Variants in CHDH observed in about 807,000 individuals in gnomAD.
CHDH encodes the protein choline dehydrogenase, mitochondrial.
A neutral mutation model predicts 56.9 loss-of-function variants in CHDH; 43 were observed. The observed-to-expected ratio is 0.76, with a 90% CI of 0.59 to 0.97. CHDH has a LOEUF of 0.97. Among genes scored for constraint, CHDH ranks in the 50% least tolerant of loss-of-function variants. CHDH has a pLI of 0.00. For missense variants in CHDH, 816 were observed against 821.1 expected (o/e 0.99, Z 0.08); for synonymous variants, 364 against 348.5 (o/e 1.04, Z -0.50).
intron 2 of CHDH, among the ~76,000 whole-genome samples, chr3:53,834,106 C>A (rs979731219): frequency 6.6e-6 from 1 of 152,194 alleles, no homozygotes; most frequent in African/African-American, 2.4e-5. Flanking sequence ...TTGCCATAGC[C>A]CTTTGTTGCA....
intron 2 of CHDH, among the ~76,000 whole-genome samples, chr3:53,833,813 CT>C (rs764754097): frequency 6.6e-6 from 1 of 152,156 alleles, no homozygotes; most frequent in Non-Finnish European, 1.5e-5. Context: ...GAAGAACAGA[CT>C]TTTGCCTGCT....
intron 2 of CHDH, among the ~76,000 whole-genome samples, chr3:53,835,009 T>C (rs1312460408): frequency 6.6e-6 from 1 of 152,200 alleles, no homozygotes; most frequent in Non-Finnish European, 1.5e-5. Context: ...TGATTCCACT[T>C]TGGGGACAAC....
chr3:53,832,347 T>C lies in CHDH; in HGVS notation c.-59-8280A>G, dbSNP rs147620636. ...GAGATTAAGACCATCCTGGATAACA[T>C]GGTGAAACCCCATCTCTACTAAAAA... is the stretch of plus-strand genomic sequence containing the variant. On this transcript the variant is annotated intron_variant, in intron 2 of 8. Coordinates refer to ENST00000315251, the MANE Select transcript of CHDH (RefSeq NM_018397.5). Among the ~76,000 whole-genome samples, 1,273 of 152,106 alleles carry C rather than the reference T, an allele frequency of 8.4e-3. 18 individuals are homozygous for C. Among genetic ancestry groups the C allele is most frequent in the African/African-American group, 0.028 (1,163 of 41,522 alleles).
chr3:53,823,300 C>G lies in CHDH; in HGVS notation c.703+6G>C. 1 of 1,534,520 alleles carries G rather than the reference C, an allele frequency of 6.5e-7. No individual in the cohort carries two copies. Among genetic ancestry groups the G allele is most frequent in the Non-Finnish European group, 8.8e-7 (1 of 1,138,798 alleles). The stretch of plus-strand genomic sequence containing the variant: ...GCTTTTTTAAAAAGAGAAGGGAGAC[C>G]ACTACCTTCATGGATGGTCATGTCC... On this transcript the variant is annotated splice_donor_region_variant and intron_variant, in intron 3 of 8. Transcript: ENST00000315251.
chr3:53,838,530 T>C (rs1239810139), intron 2 of CHDH, among the ~76,000 whole-genome samples: 1 of 152,110 alleles, frequency 6.6e-6, no homozygotes. Flanking sequence ...ACCGAGGGGA[T>C]AGAAGGCGCT....
At position 53,817,386 on chromosome 3, in the gene CHDH, G is replaced by A. The variant is rs1463588069; in HGVS notation, c.*391C>T. 2 of 197,882 alleles carry A rather than the reference G, an allele frequency of 1.0e-5. No individual in the cohort carries two copies. The highest frequency in any genetic ancestry group is 4.6e-5 in the African/African-American group (2 of 43,056). The allele number at this position is 197,882 out of a possible 1,614,324, so 12.3% of individuals were successfully genotyped here. A position where few individuals can be genotyped will look rare whatever the true frequency, so the allele number is the denominator to read the frequency against. Reference sequence around the variant, plus strand: ...GCCCCTTCCTTCGCGAACCCTCCGTGGGTCTGGCAGGCACCCAGCCTCTGT... The same window carrying A: ...GCCCCTTCCTTCGCGAACCCTCCGTAGGTCTGGCAGGCACCCAGCCTCTGT... On this transcript the variant is annotated 3_prime_UTR_variant, in exon 9 of 9. Transcript: ENST00000315251.
chr3:53,842,436 T>C (rs1698701763), intron 1 of CHDH, among the ~76,000 whole-genome samples: 2 of 152,330 alleles, frequency 1.3e-5, no homozygotes, highest in South Asian at 4.1e-4. Context: ...GCTAACTTCA[T>C]CACCCCTGTT....
chr3:53,843,180 C>G (rs563675101), intron 1 of CHDH, among the ~76,000 whole-genome samples: 1,063 of 89,580 alleles, frequency 0.012, 31 homozygotes, highest in African/African-American at 0.036. Context: ...GGGAATTTCC[C>G]CCCCCACCTT....
Position 53,832,194 on chromosome 3 carries a change from T to C in CHDH, c.-59-8127A>G, listed in dbSNP as rs541856969. On this transcript the variant is annotated intron_variant, in intron 2 of 8. Coordinates refer to ENST00000315251, the MANE Select transcript of CHDH (RefSeq NM_018397.5). ...CTTACACCAATGTTTACAGCATCAT[T>C]ATTCACAACAGCAAAAAGGTGGCAA... Among the ~76,000 whole-genome samples the C allele has an allele frequency of 1.4e-3, 217 of 152,242 alleles. 1 individual carries two copies. Among genetic ancestry groups the C allele is most frequent in the African/African-American group, 4.8e-3 (201 of 41,528 alleles).
At chr3:53,830,121 A>T (rs1476108054) in intron 2 of CHDH, among the ~76,000 whole-genome samples, 1 of 152,194 alleles carries the variant, frequency 6.6e-6, no homozygotes, top group African/African-American at 2.4e-5. Context: ...AGGAAGACCC[A>T]ATATTTTTAT....
chr3:53,829,239 TTGGG>T (rs1311362303), intron 2 of CHDH, among the ~76,000 whole-genome samples: 1 of 151,412 alleles, frequency 6.6e-6, no homozygotes, highest in Non-Finnish European at 1.5e-5. Flanking sequence ...TTACCAGGAG[TTGGG>T]AGAGGGATAA....
intron 8 of CHDH, among the ~76,000 whole-genome samples, chr3:53,818,448 C>T (rs150261879): frequency 4.9e-4 from 75 of 152,300 alleles, no homozygotes; most frequent in African/African-American, 1.6e-3. Context: ...AATCAGGGAT[C>T]TGACTTATCT....
At chr3:53,837,153 C>T (rs1425443291) in intron 2 of CHDH, among the ~76,000 whole-genome samples, 1 of 151,926 alleles carries the variant, frequency 6.6e-6, no homozygotes, top group Non-Finnish European at 1.5e-5. Context: ...AGCACTGTTC[C>T]ACTGTACTCC....
At chr3:53,837,289 T>C (rs1325544867) in intron 2 of CHDH, among the ~76,000 whole-genome samples, 4 of 152,232 alleles carry the variant, frequency 2.6e-5, no homozygotes, top group Non-Finnish European at 5.9e-5. Context: ...AACAACTGAA[T>C]TGGAAACTGC....
At chr3:53,821,526 G>GTGAT in intron 5 of CHDH, 121 bp downstream of exon 5, 1 of 871,126 alleles carries the variant, frequency 1.1e-6, no homozygotes, top group Non-Finnish European at 1.8e-6. Flanking sequence ...CGGGGACAAT[G>GTGAT]TGATAGTTCC....
chr3:53,837,780 G>A (rs1310542762), intron 2 of CHDH, among the ~76,000 whole-genome samples: 8 of 152,190 alleles, frequency 5.3e-5, no homozygotes, highest in African/African-American at 1.7e-4. Flanking sequence ...GTGGGAGGCC[G>A]GGCGCGGTGG....
chr3:53,824,024 A>T lies in CHDH; in HGVS notation c.-16T>A, dbSNP rs770591135. 18 of 1,438,202 alleles carry T rather than the reference A, an allele frequency of 1.3e-5. No individual in the cohort carries two copies. The highest frequency in any genetic ancestry group is 2.9e-5 in the Admixed American group (1 of 33,962). The allele number at this position is 1,438,202 out of a possible 1,614,324, so 89.1% of individuals were successfully genotyped here. ...GACACCACATGCTTCTATCTAGTCC[A>T]AGTCCTCTGATCCACGGAGGGGAAT... On this transcript the variant is annotated 5_prime_UTR_variant, in exon 3 of 9. Transcript: ENST00000315251.
chr3:53,819,601 G>A lies in CHDH; in HGVS notation c.1194C>T (p.Ile398=). 1 of 1,611,742 alleles carries A rather than the reference G, an allele frequency of 6.2e-7. No individual in the cohort carries two copies. Among genetic ancestry groups the A allele is most frequent in the Non-Finnish European group, 8.5e-7 (1 of 1,178,854 alleles). Reference sequence around the variant, plus strand: ...CTTGGGATGGCAGGAAATGGAACTGGATGTCCGGGTGGGGGACCCCAGGCT... The same window carrying A: ...CTTGGGATGGCAGGAAATGGAACTGAATGTCCGGGTGGGGGACCCCAGGCT... The part of the protein sequence containing the change: ...RSQPGVPHPD[I]QFHFLPSQVI... Residue 398 remains isoleucine (I), a synonymous_variant, in exon 7 of 9, where the codon ATC becomes ATT. Transcript: ENST00000315251. This position sits in a 1 kb window ranked among gnomAD's most constrained non-coding sequence, Gnocchi z 5.4.
At chr3:53,820,213 T>C (rs953876890) in intron 6 of CHDH, among the ~76,000 whole-genome samples, 3 of 152,174 alleles carry the variant, frequency 2.0e-5, no homozygotes, top group Non-Finnish European at 4.4e-5. Context: ...GAGCAGCCCC[T>C]AAGCCCCGAG....
Sources: allele counts gnomAD v4.1 joint callset (sites outside exome capture counted in the v4.1 genomes callset), GRCh38; gene constraint gnomAD v4.1.1; non-coding constraint Gnocchi (gnomAD v3.1); transcripts MANE v1.5; gene names NCBI Gene and HGNC (gene_info 2026-07-23, HGNC 2026-07-21).